The following CAPN7 variants were observed in gnomAD, a reference collection of about 807,000 sequenced individuals.
CAPN7 encodes calpain 7.
In CAPN7, 72 loss-of-function variants were observed where a neutral mutation model predicts 115.2. The ratio of observed to expected loss-of-function variants is 0.63; its 90% CI spans 0.52 to 0.76. The LOEUF (loss-of-function observed/expected upper bound fraction) is 0.76, where lower values mean the gene tolerates loss of function less well. Among genes scored for constraint, CAPN7 ranks in the 30% least tolerant of loss-of-function variants. CAPN7 has a pLI of 0.00. For missense variants in CAPN7, 905 were observed against 971.5 expected (o/e 0.93, Z 0.91); for synonymous variants, 344 against 322.3 (o/e 1.07, Z -0.72).
chr3:15,242,055 T>G (rs1695380027), intron 15 of CAPN7, 123 bp from the exon 16 acceptor site: 2 of 678,638 alleles, frequency 2.9e-6, no homozygotes, highest in Admixed American at 3.2e-5. Flanking sequence ...CTGAAAACAA[T>G]GCTCTTAAAA....
At chr3:15,235,482 C>G (rs1694931954) in intron 12 of CAPN7, among the ~76,000 whole-genome samples, 1 of 151,788 alleles carries the variant, frequency 6.6e-6, no homozygotes, top group Non-Finnish European at 1.5e-5. Context: ...GTGTTAAGCT[C>G]TAAAGCAGTG....
intron 16 of CAPN7, 77 bp from the exon 17 acceptor site, chr3:15,245,449 A>G: frequency 7.4e-7 from 1 of 1,348,132 alleles, no homozygotes; most frequent in Non-Finnish European, 1.0e-6. Context: ...CATCCAAGTA[A>G]TTATTTTTCC....
At chr3:15,220,226 A>G (rs1693890887) in intron 4 of CAPN7, among the ~76,000 whole-genome samples, 1 of 152,160 alleles carries the variant, frequency 6.6e-6, no homozygotes, top group Admixed American at 6.5e-5. Flanking sequence ...AATTTAAAAA[A>G]GAAATTACCT....
chr3:15,245,522 G>C lies in CAPN7; in HGVS notation c.1865-4G>C, dbSNP rs778790971. ...TTTCTCTAAGCCTACTTGTTTGTTTGCAGCTGACCCACCTCCATACATTGA... is the reference window on the plus strand; with the variant it reads ...TTTCTCTAAGCCTACTTGTTTGTTTCCAGCTGACCCACCTCCATACATTGA... On this transcript the variant is annotated splice_polypyrimidine_tract_variant and splice_region_variant and intron_variant, in intron 16 of 20. Transcript: ENST00000253693. The C allele has an allele frequency of 1.9e-6, 3 of 1,609,190 alleles. No homozygotes were observed. The Admixed American group carries it at 5.1e-5, about 27-fold the overall frequency.
At chr3:15,207,313 A>G (rs1019138149) in intron 1 of CAPN7, among the ~76,000 whole-genome samples, 2 of 152,166 alleles carry the variant, frequency 1.3e-5, no homozygotes, top group African/African-American at 4.8e-5. Context: ...AAAAAATACT[A>G]CACCAGTGTG....
chr3:15,227,067 G>A (rs1381439705), intron 6 of CAPN7, among the ~76,000 whole-genome samples: 1 of 150,546 alleles, frequency 6.6e-6, no homozygotes, highest in East Asian at 1.9e-4. Context: ...TAAGCACAGA[G>A]GTTCTAGAGC....
chr3:15,245,154 A>G (rs1695582703), intron 16 of CAPN7, among the ~76,000 whole-genome samples: 1 of 151,540 alleles, frequency 6.6e-6, no homozygotes, highest in Non-Finnish European at 1.5e-5. Flanking sequence ...GGTGGGGAAT[A>G]TATATTTTTA....
At chr3:15,246,597 C>A in intron 17 of CAPN7, 135 bp from the exon 18 acceptor site, 1 of 657,246 alleles carries the variant, frequency 1.5e-6, no homozygotes, top group Non-Finnish European at 2.7e-6. Flanking sequence ...GCTCATTAAA[C>A]CTGACCTGAT....
chr3:15,224,998 C>G (rs1694229522), intron 6 of CAPN7, among the ~76,000 whole-genome samples: 2 of 152,174 alleles, frequency 1.3e-5, no homozygotes, highest in Non-Finnish European at 2.9e-5. Flanking sequence ...ACTTTCTGGT[C>G]TCAAACCTTG....
chr3:15,208,665 C>A (rs961913655), intron 1 of CAPN7, among the ~76,000 whole-genome samples: 2 of 152,062 alleles, frequency 1.3e-5, no homozygotes, highest in Non-Finnish European at 2.9e-5. Flanking sequence ...TCATAAGTAA[C>A]GATGTAGTTC....
chr3:15,228,911 A>G, intron 7 of CAPN7, 63 bp from the exon 8 acceptor site: 1 of 1,218,626 alleles, frequency 8.2e-7, no homozygotes, highest in Non-Finnish European at 1.2e-6. Context: ...CAATGTACGT[A>G]TATTGCGGTA....
chr3:15,240,005 A>G (rs1695245800), intron 12 of CAPN7, among the ~76,000 whole-genome samples: 2 of 152,258 alleles, frequency 1.3e-5, no homozygotes, highest in Admixed American at 1.3e-4. Context: ...CCAAAGGTAC[A>G]TGGAGTATAA....
chr3:15,227,109 T>TA (rs61571165), intron 6 of CAPN7, among the ~76,000 whole-genome samples: 8,532 of 128,230 alleles, frequency 0.067, 798 homozygotes, highest in African/African-American at 0.21. Flanking sequence ...CCTCAACTGT[T>TA]AAAAAAAAAA....
chr3:15,247,314 T>C lies in CAPN7; in HGVS notation c.2074-13T>C, dbSNP rs148587010. On this transcript the variant is annotated splice_polypyrimidine_tract_variant and intron_variant, in intron 18 of 20. Coordinates refer to ENST00000253693, the MANE Select transcript of CAPN7 (RefSeq NM_014296.3). ...TGAAATTTTGTTAATACTAAAACTT[T>C]TGTTTTTATTAGATTAATGGAAAGT... is the stretch of plus-strand genomic sequence containing the variant. 192 of 1,524,088 alleles carry C rather than the reference T, an allele frequency of 1.3e-4. 4 individuals carry two copies. In the East Asian group the frequency reaches 2.5e-3, roughly 20 times the overall value. The allele number at this position is 1,524,088 out of a possible 1,614,324, so 94.4% of individuals were successfully genotyped here.
intron 10 of CAPN7, 26 bp downstream of exon 10, chr3:15,232,691 A>C (rs981942358): frequency 6.4e-7 from 1 of 1,570,984 alleles, no homozygotes; most frequent in African/African-American, 1.4e-5. Context: ...GACGATCCAG[A>C]CACAGATTTA....
rs890568288 is a variant in CAPN7 at position 15,207,124 on chromosome 3, G to A, written c.102+527G>A. On this transcript the variant is annotated intron_variant, in intron 1 of 20. Transcript: ENST00000253693. ...AACACCGTAGAAAGCGCTTACACAA[G>A]CCTGAATGGTACAGCCTGTTCCACA... is the stretch of plus-strand genomic sequence containing the variant. Among the ~76,000 whole-genome samples the A allele has an allele frequency of 3.0e-4, 46 of 152,200 alleles. 1 individual carries two copies. The highest frequency in any genetic ancestry group is 2.1e-3 in the Admixed American group (32 of 15,276).
chr3:15,243,961 C>T (rs932939676), intron 16 of CAPN7, among the ~76,000 whole-genome samples: 1 of 152,144 alleles, frequency 6.6e-6, no homozygotes, highest in Non-Finnish European at 1.5e-5. Flanking sequence ...AGGGAAGAAA[C>T]TATTGGACTT....
At chr3:15,249,322 A>AT (rs11372496) in intron 19 of CAPN7, among the ~76,000 whole-genome samples, 7,922 of 151,860 alleles carry the variant, frequency 0.052, 714 homozygotes, top group African/African-American at 0.18. Context: ...TAGAGTTGTC[A>AT]TTTTTTTTAA....
chr3:15,218,325 C>G, intron 3 of CAPN7, 148 bp from the exon 4 acceptor site: 1 of 628,726 alleles, frequency 1.6e-6, no homozygotes, highest in South Asian at 1.9e-5. Flanking sequence ...TAAATGATAC[C>G]TTTAAGGATG....
Sources: allele counts gnomAD v4.1 joint callset (sites outside exome capture counted in the v4.1 genomes callset), GRCh38; gene constraint gnomAD v4.1.1; transcripts MANE v1.5; gene names NCBI Gene and HGNC (gene_info 2026-07-23, HGNC 2026-07-21).